ACTA2: variants seen among roughly 807,000 people sequenced by gnomAD.
ACTA2 encodes actin, aortic smooth muscle.
In ACTA2, 12 loss-of-function variants were observed where a neutral mutation model predicts 39.5. The ratio of observed to expected loss-of-function variants is 0.30; its 90% CI spans 0.19 to 0.49. The LOEUF is 0.49. Among genes scored for constraint, ACTA2 ranks in the 20% least tolerant of loss-of-function variants. The pLI, the probability that ACTA2 is intolerant of heterozygous loss-of-function variation, is 0.99. For synonymous variants in ACTA2, 158 were observed against 180.6 expected (o/e 0.88, Z 1.00); for missense variants, 236 against 498.8 (o/e 0.47, Z 5.02).
At chr10:88,967,788 C>T (rs1287704638) in intron 1 of ACTA2, among the ~76,000 whole-genome samples, 1 of 152,162 alleles carries the variant, frequency 6.6e-6, no homozygotes, top group Non-Finnish European at 1.5e-5. Context: ...AATGATGGCT[C>T]ACACACCAGA....
chr10:88,979,565 A>C (rs1024591441), intron 1 of ACTA2, among the ~76,000 whole-genome samples: 6 of 152,110 alleles, frequency 3.9e-5, no homozygotes, highest in Non-Finnish European at 7.4e-5. Flanking sequence ...GTCTCACACT[A>C]GGGCTGTTCT....
intron 1 of ACTA2, among the ~76,000 whole-genome samples, chr10:88,979,154 C>A (rs1846646696): frequency 6.6e-6 from 1 of 151,884 alleles, no homozygotes; most frequent in Non-Finnish European, 1.5e-5. Context: ...ATTATAGATT[C>A]TTTAGCTTCT....
exon 1 of ACTA2, chr10:88,991,216 G>A (rs1847181236): frequency 1.8e-6 from 1 of 543,776 alleles, no homozygotes; most frequent in African/African-American, 1.9e-5. Flanking sequence ...CGTTGAGGTG[G>A]GCGTGGGGTG....
intron 1 of ACTA2, among the ~76,000 whole-genome samples, chr10:88,977,468 A>G (rs1846592736): frequency 6.6e-6 from 1 of 152,100 alleles, no homozygotes; most frequent in Non-Finnish European, 1.5e-5. Context: ...AAGATCAGAT[A>G]GTTGTAGATA....
intron 1 of ACTA2, among the ~76,000 whole-genome samples, chr10:88,972,433 A>G (rs1371405301): frequency 6.6e-6 from 1 of 152,200 alleles, no homozygotes; most frequent in East Asian, 1.9e-4. Context: ...TAGTCTGTTA[A>G]TATTTAATGT....
upstream of ACTA2, among the ~76,000 whole-genome samples, chr10:88,955,973 G>C (rs919878256): frequency 1.1e-4 from 17 of 152,160 alleles, no homozygotes; most frequent in Admixed American, 1.0e-3. Context: ...GATATGAGGC[G>C]TTAATAGGTT....
chr10:88,976,463 T>C (rs532813726), intron 1 of ACTA2, among the ~76,000 whole-genome samples: 28 of 152,204 alleles, frequency 1.8e-4, no homozygotes, highest in African/African-American at 5.8e-4. Flanking sequence ...TCACGGAAAA[T>C]GGAGAAAATT....
In ACTA2 at chr10:88,943,842, C is replaced by T. The variant is rs750005327; in HGVS notation, c.324G>A (p.Thr108=). The T allele has an allele frequency of 1.5e-5, 25 of 1,613,814 alleles. No homozygotes were observed. Among genetic ancestry groups the T allele is most frequent in the South Asian group, 8.8e-5 (8 of 91,080 alleles). The change falls in exon 4 of 9, where the codon ACG becomes ACA. Residue 108 remains threonine (T), a synonymous_variant. Coordinates refer to ENST00000224784, the MANE Select transcript of ACTA2 (RefSeq NM_001613.4). ...TGGCCTTGGGGTTCAGGGGTGCCTCCGTGAGCAGGGTGGGATGCTCTTCAG... is the reference window on the plus strand; with the variant it reads ...TGGCCTTGGGGTTCAGGGGTGCCTCTGTGAGCAGGGTGGGATGCTCTTCAG... The part of the protein sequence containing the change: ...VAPEEHPTLL[T]EAPLNPKANR...
intron 1 of ACTA2, chr10:88,989,655 C>T (rs1056238637): frequency 8.7e-5 from 42 of 483,124 alleles, no homozygotes; most frequent in Admixed American, 7.5e-4. Flanking sequence ...GATTTGAGGG[C>T]CCAAACAGGC....
At position 88,935,498 on chromosome 10, in the gene ACTA2, G is replaced by A. The variant is rs1174534426; in HGVS notation, c.991-132C>T. ...AGCAGGGACACAGGCTTGTCTGTTA[G>A]ATGCCAATTGTGTCCTAATTGTGTC... On this transcript the variant is annotated intron_variant, in intron 8 of 8. Transcript: ENST00000224784. 1.5e-5 allele frequency: 15 copies of A among 998,058 alleles called. No homozygotes were observed. In the Admixed American group the frequency reaches 2.6e-4, roughly 18 times the overall value. 61.8% of individuals were successfully genotyped at this position (998,058 alleles called of 1,614,324 possible). A position where few individuals can be genotyped will look rare whatever the true frequency, so the allele number is the denominator to read the frequency against.
Position 88,941,842 on chromosome 10 carries a change from C to T in ACTA2, c.397G>A (p.Ala133Thr). 1 of 1,613,030 alleles carries T rather than the reference C, an allele frequency of 6.2e-7. No individual in the cohort carries two copies. Among genetic ancestry groups the T allele is most frequent in the Non-Finnish European group, 8.5e-7 (1 of 1,179,514 alleles). Residue 133 changes from alanine (A) to threonine (T), a missense_variant, in exon 5 of 9, where the codon GCC (alanine) becomes ACC (threonine). By Grantham distance (58) the Ala-to-Thr change is moderately conservative (BLOSUM62 0). Coordinates refer to ENST00000224784, the MANE Select transcript of ACTA2 (RefSeq NM_001613.4). ...QIMFETFNVPAMYVAIQAVLS... is the reference protein window; with the variant it reads ...QIMFETFNVPTMYVAIQAVLS... The stretch of plus-strand genomic sequence containing the variant: ...ACCGCCTGGATAGCCACATACATGG[C>T]TGGGACATTGAAAGTCTCAAACATA...
chr10:88,982,549 T>C (rs1846737087), intron 1 of ACTA2, among the ~76,000 whole-genome samples: 1 of 152,188 alleles, frequency 6.6e-6, no homozygotes, highest in Non-Finnish European at 1.5e-5. Context: ...GGGGAATTCA[T>C]GGACATTTAT....
chr10:88,977,302 AC>A lies in ACTA2; in HGVS notation c.-24+13636del, dbSNP rs1353005119. ...TAGGGTTTTTATGGTTTTAGGTCTA[AC>A]ATTTAAGTCTTTAATCCATCTTGAA... On this transcript the variant is annotated intron_variant, in intron 1 of 4. Coordinates refer to the ACTA2 transcript ENST00000415557. Among the ~76,000 whole-genome samples the A allele has an allele frequency of 2.6e-5, 4 of 151,662 alleles. No individual in the cohort carries two copies. The East Asian group carries it at 5.8e-4, about 22-fold the overall frequency.
Position 88,990,955 on chromosome 10 carries a change from G to T in ACTA2, c.-40C>A, listed in dbSNP as rs1475203128. 2 of 1,613,714 alleles carry T rather than the reference G, an allele frequency of 1.2e-6. No homozygotes were observed. Among genetic ancestry groups the T allele is most frequent in the Non-Finnish European group, 1.7e-6 (2 of 1,179,664 alleles). On this transcript the variant is annotated 5_prime_UTR_variant, in exon 1 of 5. Transcript: ENST00000415557. The surrounding 1 kb of genome is among the most constrained non-coding windows in gnomAD (Gnocchi z 4.9). ...GAGGCTTACCCCGTCTTAGTCCCGGGGATAGGCAAAGTGGGGCGGGCGCGG... is the reference window on the plus strand; with the variant it reads ...GAGGCTTACCCCGTCTTAGTCCCGGTGATAGGCAAAGTGGGGCGGGCGCGG...
chr10:88,936,891 A>G (rs1227461350), intron 8 of ACTA2, among the ~76,000 whole-genome samples: 1 of 152,112 alleles, frequency 6.6e-6, no homozygotes, highest in Non-Finnish European at 1.5e-5. Context: ...TCTCTATACT[A>G]TCTCATTACA....
In ACTA2 at chr10:88,981,001, T is replaced by C. The variant is rs571834687; in HGVS notation, c.-24+9938A>G. The stretch of plus-strand genomic sequence containing the variant: ...TATATGAAAAGTGGGATTTGGACTA[T>C]GGAGGAATAGGGTCCTTCCAGAGGG... On this transcript the variant is annotated intron_variant, in intron 1 of 4. Transcript: ENST00000415557. Among the ~76,000 whole-genome samples the C allele has an allele frequency of 2.6e-5, 4 of 152,296 alleles. No homozygotes were observed. The South Asian group carries it at 8.3e-4, about 32-fold the overall frequency.
chr10:88,956,049 C>T (rs945350839), upstream of ACTA2, among the ~76,000 whole-genome samples: 9 of 152,234 alleles, frequency 5.9e-5, no homozygotes, highest in Admixed American at 2.6e-4. Context: ...TTATTATTGT[C>T]GGATGCTCCA....
intron 1 of ACTA2, among the ~76,000 whole-genome samples, chr10:88,962,939 A>T (rs1846254949): frequency 5.8e-4 from 7 of 12,016 alleles, no homozygotes; most frequent in African/African-American, 1.7e-3. Flanking sequence ...ATATATATAT[A>T]TATATATATA....
In ACTA2 at chr10:88,943,919, G is replaced by A. The variant is rs1411318617; in HGVS notation, c.259-12C>T. The A allele has an allele frequency of 6.8e-6, 11 of 1,610,186 alleles. No homozygotes were observed. Among genetic ancestry groups the A allele is most frequent in the South Asian group, 1.1e-5 (1 of 90,994 alleles). ...GAGTGGTGCCAGATCTAGTGAGTTG[G>A]GGGACAGAGGAGAAACACAATGATG... is the stretch of plus-strand genomic sequence containing the variant. On this transcript the variant is annotated splice_polypyrimidine_tract_variant and intron_variant, in intron 3 of 8. Transcript: ENST00000224784.
Sources: allele counts gnomAD v4.1 joint callset (sites outside exome capture counted in the v4.1 genomes callset), GRCh38; gene constraint gnomAD v4.1.1; non-coding constraint Gnocchi (gnomAD v3.1); transcripts MANE v1.5; gene names NCBI Gene and HGNC (gene_info 2026-07-23, HGNC 2026-07-21).